The following ABCA4 variants were observed in gnomAD, a reference collection of about 807,000 sequenced individuals.
ABCA4 encodes retinal-specific phospholipid-transporting ATPase ABCA4.
In ABCA4, 196 loss-of-function variants were observed where a neutral mutation model predicts 263.7. The ratio of observed to expected loss-of-function variants is 0.74; its 90% CI spans 0.66 to 0.84. The LOEUF is 0.84. Among genes scored for constraint, ABCA4 ranks in the 40% least tolerant of loss-of-function variants. The pLI is 0.00. For missense variants in ABCA4, 2,792 were observed against 2,855.1 expected, an observed-to-expected ratio of 0.98 and a Z score of 0.50; for synonymous variants, 1,133 against 1,094.2, an observed-to-expected ratio of 1.04 and a Z score of -0.70.
intron 35 of ABCA4, 40 bp from the exon 36 acceptor site, chr1:94,019,799 A>C (rs749500205): frequency 1.3e-6 from 2 of 1,587,438 alleles, no homozygotes; most frequent in Non-Finnish European, 1.7e-6. Context: ...GGCGATGAAG[A>C]GGGAAGAGCA....
At chr1:94,108,512 C>T in intron 4 of ABCA4, 65 bp downstream of exon 4, 4 of 1,607,616 alleles carry the variant, frequency 2.5e-6, no homozygotes, top group Admixed American at 1.7e-5. Context: ...CCTGTTCTTT[C>T]CTATATCTTC....
intron 37 of ABCA4, among the ~76,000 whole-genome samples, 180 bp downstream of exon 37, chr1:94,015,559 T>C (rs1659709342): frequency 6.6e-6 from 1 of 151,952 alleles, no homozygotes; most frequent in African/African-American, 2.4e-5. Flanking sequence ...GTCAGTGGAG[T>C]CAGAATCAGA....
intron 17 of ABCA4, among the ~76,000 whole-genome samples, chr1:94,050,586 G>C (rs1660809416): frequency 6.6e-6 from 1 of 152,186 alleles, no homozygotes; most frequent in Non-Finnish European, 1.5e-5. Flanking sequence ...TTAAGAGGCA[G>C]AGTATCTGTT....
At chr1:94,112,563 T>C (rs577662171) in intron 2 of ABCA4, among the ~76,000 whole-genome samples, 2 of 152,308 alleles carry the variant, frequency 1.3e-5, no homozygotes, top group Admixed American at 6.5e-5. Flanking sequence ...TTTAGAACGC[T>C]GAGGTGGGAG....
At chr1:94,108,261 G>A (rs991435552) in intron 4 of ABCA4, among the ~76,000 whole-genome samples, 2 of 152,148 alleles carry the variant, frequency 1.3e-5, no homozygotes, top group African/African-American at 4.8e-5. Flanking sequence ...ACGAAACTCT[G>A]TAAACTCGTC....
At chr1:94,007,561 GAT>G in intron 43 of ABCA4, 71 bp downstream of exon 43, 3 of 1,362,634 alleles carry the variant, frequency 2.2e-6, no homozygotes, top group Non-Finnish European at 3.2e-6. Context: ...TATAGGGTCT[GAT>G]GATCACCCTT....
chr1:94,051,321 G>A (rs935626414), intron 17 of ABCA4, among the ~76,000 whole-genome samples: 5 of 152,224 alleles, frequency 3.3e-5, no homozygotes, highest in Admixed American at 3.3e-4. Flanking sequence ...CTGAAAAGCT[G>A]CAAAAGTTCT....
Position 94,041,402 on chromosome 1 carries a change from C to T in ABCA4, c.3329G>A (p.Gly1110Asp), listed in dbSNP as rs1333006788. The T allele has an allele frequency of 1.9e-6, 3 of 1,613,436 alleles. No homozygotes were observed. Among genetic ancestry groups the T allele is most frequent in the Non-Finnish European group, 2.5e-6 (3 of 1,180,012 alleles). ...GTGAGTGGACATGATGATGGTTCTG[C>T]CTGCAAGGTAGGGGCCAGGGCAATC... ...IWDLLLKYRS[G>D]RTIIMSTHHM... The change falls in exon 23 of 50, where the codon GGC becomes GAC. Residue 1110 changes from glycine to aspartate, a missense_variant and splice_region_variant. Coordinates refer to ENST00000370225, the MANE Select transcript of ABCA4 (RefSeq NM_000350.3).
intron 36 of ABCA4, 190 bp downstream of exon 36, chr1:94,019,392 G>A (rs906495094): frequency 2.8e-5 from 18 of 647,390 alleles, no homozygotes; most frequent in East Asian, 2.0e-4. Flanking sequence ...TCCTAGCTTC[G>A]GGCTCCTAGT....
chr1:94,080,777 G>A (rs925588838), intron 7 of ABCA4, 59 bp from the exon 8 acceptor site: 34 of 1,609,376 alleles, frequency 2.1e-5, no homozygotes, highest in Non-Finnish European at 2.7e-5. Context: ...AATCTGCTGT[G>A]AGGCCAATGC....
rs61750135 is a variant in ABCA4, at chr1:94,031,027, A to G, written c.4222T>C (p.Trp1408Arg). Residue 1408 changes from tryptophan (W) to arginine (R), a missense_variant, in exon 28 of 50, where the codon TGG (tryptophan) becomes CGG (arginine). Transcript: ENST00000370225. ...AAGGTGTACTGCTGCCCATATATCC[A>G]GGGGTGAAGGGTCAAAGCGGGGTAT... ...GEYPALTLHP[W>R]IYGQQYTFFS... The G allele has an allele frequency of 3.6e-5, 58 of 1,613,976 alleles. No homozygotes were observed. Among genetic ancestry groups the G allele is most frequent in the Non-Finnish European group, 4.4e-5 (52 of 1,180,016 alleles).
At position 94,051,640 on chromosome 1, in the gene ABCA4, G is replaced by A. The variant is rs180921875; in HGVS notation, c.2646C>T (p.Gly882=). 2.9e-4 allele frequency: 469 copies of A among 1,613,368 alleles called. 4 individuals are homozygous for A. The East Asian group carries it at 8.5e-3, about 29-fold the overall frequency. Residue 882 remains glycine, a synonymous_variant, in exon 17 of 50, where the codon GGC becomes GGT. Coordinates refer to ENST00000370225, the MANE Select transcript of ABCA4 (RefSeq NM_000350.3). ...YFLLQESYWL[G]GEGCSTREER... ...GTGTTTTAAAGGACTCACCTTCACCGCCAAGCCAATACGACTCTTGTAGAA... is the reference window on the plus strand; with the variant it reads ...GTGTTTTAAAGGACTCACCTTCACCACCAAGCCAATACGACTCTTGTAGAA...
intron 10 of ABCA4, 100 bp downstream of exon 10, chr1:94,078,490 A>G (rs1194219482): frequency 1.0e-6 from 1 of 959,602 alleles, no homozygotes; most frequent in African/African-American, 1.6e-5. Context: ...TCTAACTCCA[A>G]TAGCGATTAA....
chr1:94,011,474 A>G (rs1659546537), intron 38 of ABCA4, 89 bp from the exon 39 acceptor site: 9 of 1,598,138 alleles, frequency 5.6e-6, no homozygotes, highest in Non-Finnish European at 7.7e-6. Flanking sequence ...CTCACAGGAC[A>G]GCACAGGGCA....
intron 38 of ABCA4, among the ~76,000 whole-genome samples, chr1:94,011,973 GGGAGAGGAGGGTT>G (rs1465803173): frequency 6.6e-5 from 10 of 152,370 alleles, no homozygotes; most frequent in Non-Finnish European, 1.3e-4. Context: ...CCATTGTCTA[GGGAGAGGAGGGTT>G]GGAGACTCTC....
At position 94,113,013 on chromosome 1, in the gene ABCA4, G is replaced by C. The variant is rs1404664758; in HGVS notation, c.120C>G (p.Ile40Met). Reference protein sequence around the residue: ...VWPLSLFLVLIWLRNANPLYS... With the variant: ...VWPLSLFLVLMWLRNANPLYS... ...AGAGTGGGTTGGCATTCCTTAACCA[G>C]ATCAAGACCAGAAATAAAGATAAAG... The change falls in exon 2 of 50, where the codon ATC becomes ATG. Residue 40 changes from isoleucine to methionine, a missense_variant. Coordinates refer to ENST00000370225, the MANE Select transcript of ABCA4 (RefSeq NM_000350.3). 1 of 1,614,066 alleles carries C rather than the reference G, an allele frequency of 6.2e-7. No individual in the cohort carries two copies. The highest frequency in any genetic ancestry group is 8.5e-7 in the Non-Finnish European group (1 of 1,180,010).
At chr1:94,092,718 C>T (rs1300123507) in intron 6 of ABCA4, among the ~76,000 whole-genome samples, 1 of 152,106 alleles carries the variant, frequency 6.6e-6, no homozygotes, top group Non-Finnish European at 1.5e-5. Flanking sequence ...TTCTGTCCGT[C>T]CCAGTATCTG....
chr1:94,120,882 A>AAC, intron 1 of ABCA4, 98 bp downstream of exon 1: 4 of 166,770 alleles, frequency 2.4e-5, no homozygotes, highest in Admixed American at 7.1e-5. Context: ...ACAACCCCCC[A>AAC]CCCTGCCCCA....
At chr1:94,072,887 G>A (rs969514347) in intron 11 of ABCA4, among the ~76,000 whole-genome samples, 4 of 152,140 alleles carry the variant, frequency 2.6e-5, no homozygotes, top group Non-Finnish European at 2.9e-5. Context: ...TATTTATGGG[G>A]TGAATGAGAT....
Sources: allele counts gnomAD v4.1 joint callset (sites outside exome capture counted in the v4.1 genomes callset), GRCh38; gene constraint gnomAD v4.1.1; transcripts MANE v1.5; gene names NCBI Gene and HGNC (gene_info 2026-07-23, HGNC 2026-07-21).